Variants in GNAQ observed in about 807,000 individuals in gnomAD.
GNAQ encodes the protein guanine nucleotide-binding protein G(q) subunit alpha.
Under a neutral mutation model 43.9 loss-of-function variants are expected in GNAQ, and 8 were observed. That is an observed-to-expected ratio of 0.18 (90% CI 0.11 to 0.33). The LOEUF (loss-of-function observed/expected upper bound fraction) is 0.33, where lower values mean the gene tolerates loss of function less well. Ranked by LOEUF, GNAQ falls within the 10% of genes least tolerant of loss-of-function variation. The probability of loss-of-function intolerance (pLI) is 1.00; values close to 1 mark genes in which losing one functional copy is unlikely to be tolerated. For missense variants in GNAQ, 158 were observed against 450.8 expected, an observed-to-expected ratio of 0.35 and a Z score of 5.88; for synonymous variants, 155 against 170.7, an observed-to-expected ratio of 0.91 and a Z score of 0.71.
intron 1 of GNAQ, among the ~76,000 whole-genome samples, chr9:77,986,936 T>C (rs1258062785): frequency 6.6e-6 from 1 of 152,082 alleles, no homozygotes; most frequent in Non-Finnish European, 1.5e-5. Context: ...ATTTTATTCT[T>C]TTATTTATCA....
intron 1 of GNAQ, among the ~76,000 whole-genome samples, chr9:78,017,250 CCA>C (rs1360717748): frequency 6.6e-6 from 1 of 152,114 alleles, no homozygotes; most frequent in African/African-American, 2.4e-5. Context: ...TTTCAAGCTA[CCA>C]AAGTTCGGTC....
chr9:77,879,606 AG>A (rs539956325), intron 2 of GNAQ, among the ~76,000 whole-genome samples: 41 of 152,346 alleles, frequency 2.7e-4, no homozygotes, highest in Non-Finnish European at 4.3e-4. Context: ...CTTACTACAA[AG>A]GCATATCTTC....
chr9:77,823,678 G>A (rs746646868), intron 2 of GNAQ, among the ~76,000 whole-genome samples: 2 of 152,162 alleles, frequency 1.3e-5, no homozygotes, highest in Admixed American at 6.5e-5. Flanking sequence ...GAGCAGGAGA[G>A]ACAGAGAAGC....
rs1824059897 is a variant in GNAQ at position 78,031,465 on chromosome 9, G to A, written c.-230C>T. ...CGGATAGTCTGGGCCGACGGGAGAA[G>A]AGAGGCGGGCGCGGGAGGCGGGCGC... On this transcript the variant is annotated 5_prime_UTR_variant, in exon 1 of 7. Transcript: ENST00000286548. 1.6e-5 allele frequency: 3 copies of A among 191,436 alleles called. No homozygotes were observed. The highest frequency in any genetic ancestry group is 6.0e-5 in the Admixed American group (1 of 16,576). The allele number at this position is 191,436 out of a possible 1,614,324, so 11.9% of individuals were successfully genotyped here.
At chr9:77,774,731 G>A (rs1826281821) in intron 5 of GNAQ, among the ~76,000 whole-genome samples, 2 of 152,074 alleles carry the variant, frequency 1.3e-5, no homozygotes, top group South Asian at 4.1e-4. Flanking sequence ...CAAAAGTGCT[G>A]GCATTACAGG....
At chr9:77,810,253 T>C (rs933136969) in intron 3 of GNAQ, among the ~76,000 whole-genome samples, 1 of 151,010 alleles carries the variant, frequency 6.6e-6, no homozygotes, top group Admixed American at 6.6e-5. Context: ...TATCTATCTA[T>C]CTATCTATCT....
At chr9:77,740,495 T>C (rs1030907613) in intron 5 of GNAQ, among the ~76,000 whole-genome samples, 3 of 152,180 alleles carry the variant, frequency 2.0e-5, no homozygotes, top group Admixed American at 1.3e-4. Context: ...AGCAGATACA[T>C]TGATCAAATG....
intron 1 of GNAQ, among the ~76,000 whole-genome samples, chr9:77,995,127 G>C (rs1463220203): frequency 6.6e-6 from 1 of 152,122 alleles, no homozygotes; most frequent in Admixed American, 6.5e-5. Context: ...CAAATTCTAA[G>C]TACTCTACAT....
intron 1 of GNAQ, among the ~76,000 whole-genome samples, chr9:77,937,265 T>C (rs912081797): frequency 2.0e-5 from 3 of 151,562 alleles, no homozygotes; most frequent in Admixed American, 1.3e-4. Context: ...CATAGTGAAA[T>C]CCTGTCTCTA....
chr9:77,822,092 T>C (rs1827126572), intron 2 of GNAQ, among the ~76,000 whole-genome samples: 1 of 152,170 alleles, frequency 6.6e-6, no homozygotes, highest in Admixed American at 6.5e-5. Context: ...ACAGAAGTTA[T>C]AAAAAGGCAA....
chr9:77,885,286 C>T (rs148203461), intron 2 of GNAQ, among the ~76,000 whole-genome samples: 2 of 151,940 alleles, frequency 1.3e-5, no homozygotes, highest in East Asian at 1.9e-4. Context: ...CTCAAGGAGC[C>T]GGGGAAGGCT....
intron 2 of GNAQ, among the ~76,000 whole-genome samples, chr9:77,862,372 A>G (rs886082567): frequency 6.6e-5 from 10 of 152,244 alleles, no homozygotes; most frequent in African/African-American, 1.9e-4. Context: ...GCATTTCCAT[A>G]CATCCTCTGA....
chr9:78,029,206 T>C (rs1483732331), intron 1 of GNAQ, among the ~76,000 whole-genome samples: 2 of 152,034 alleles, frequency 1.3e-5, no homozygotes, highest in Non-Finnish European at 2.9e-5. Context: ...AGCTGTCACT[T>C]TTCAGGCAAA....
intron 2 of GNAQ, among the ~76,000 whole-genome samples, chr9:77,891,732 C>A (rs1828408378): frequency 6.6e-6 from 1 of 152,192 alleles, no homozygotes; most frequent in African/African-American, 2.4e-5. Context: ...ATTAGCAAGG[C>A]CTCCATATCA....
intron 1 of GNAQ, among the ~76,000 whole-genome samples, chr9:77,998,725 G>A (rs961809444): frequency 6.6e-6 from 1 of 152,074 alleles, no homozygotes; most frequent in Non-Finnish European, 1.5e-5. Flanking sequence ...AAAACTGTTA[G>A]TATTTTTTAT....
At chr9:77,804,500 C>T (rs1826794305) in intron 3 of GNAQ, among the ~76,000 whole-genome samples, 1 of 152,156 alleles carries the variant, frequency 6.6e-6, no homozygotes, top group Non-Finnish European at 1.5e-5. Context: ...TTGGGCAACA[C>T]AGTAAGACCC....
rs1825249565 is a variant in GNAQ at position 77,717,806 on chromosome 9, T to C, written c.*3517A>G. 4 of 232,416 alleles carry C rather than the reference T, an allele frequency of 1.7e-5. No homozygotes were observed. The highest frequency in any genetic ancestry group is 2.5e-5 in the Non-Finnish European group (3 of 117,668). The allele number at this position is 232,416 out of a possible 1,614,324, so 14.4% of individuals were successfully genotyped here. A position where few individuals can be genotyped will look rare whatever the true frequency, so the allele number is the denominator to read the frequency against. Reference sequence around the variant, plus strand: ...TTGTCATCTGCTAGTAAACAACATATGCAGGTTCTTAAAATTTTTTTTTCC... The same window carrying C: ...TTGTCATCTGCTAGTAAACAACATACGCAGGTTCTTAAAATTTTTTTTTCC... On this transcript the variant is annotated 3_prime_UTR_variant, in exon 7 of 7. Coordinates refer to ENST00000286548, the MANE Select transcript of GNAQ (RefSeq NM_002072.5).
At chr9:77,963,133 G>C (rs915766824) in intron 1 of GNAQ, among the ~76,000 whole-genome samples, 1 of 152,114 alleles carries the variant, frequency 6.6e-6, no homozygotes, top group Admixed American at 6.6e-5. Flanking sequence ...AACTCACGTG[G>C]AAGAACGGTG....
chr9:78,011,617 A>G (rs780817505), intron 1 of GNAQ, among the ~76,000 whole-genome samples: 2 of 152,250 alleles, frequency 1.3e-5, no homozygotes, highest in Non-Finnish European at 2.9e-5. Flanking sequence ...AGAAAAAACA[A>G]TAATACTGCA....
Sources: allele counts gnomAD v4.1 joint callset (sites outside exome capture counted in the v4.1 genomes callset), GRCh38; gene constraint gnomAD v4.1.1; transcripts MANE v1.5; gene names NCBI Gene and HGNC (gene_info 2026-07-23, HGNC 2026-07-21).